Variants in UNC5C observed in about 807,000 individuals in gnomAD.
UNC5C encodes the protein unc-5 netrin receptor C, also known as netrin receptor UNC5C.
Under a neutral mutation model 99.8 loss-of-function variants are expected in UNC5C, and 47 were observed. That is an observed-to-expected ratio of 0.47 (90% CI 0.37 to 0.60). The LOEUF is 0.60. UNC5C is among the 20% of genes least tolerant of loss of function. The pLI, the probability that UNC5C is intolerant of heterozygous loss-of-function variation, is 0.00. For missense variants in UNC5C, 1,062 were observed against 1,165.9 expected (o/e 0.91, Z 1.30); for synonymous variants, 487 against 452.2 (o/e 1.08, Z -0.98).
intron 1 of UNC5C, among the ~76,000 whole-genome samples, chr4:95,378,382 G>A (rs187554194): frequency 7.6e-5 from 9 of 118,270 alleles, no homozygotes; most frequent in African/African-American, 3.2e-4. Context: ...TTGAAGTACT[G>A]AAGAAAGCCT....
At chr4:95,182,498 GAGAA>G (rs1736652923) in intron 14 of UNC5C, among the ~76,000 whole-genome samples, 1 of 152,116 alleles carries the variant, frequency 6.6e-6, no homozygotes, top group Non-Finnish European at 1.5e-5. Context: ...GAGAGTTGCT[GAGAA>G]AGAAGCAGAA....
At chr4:95,199,926 G>A (rs913952037) in intron 12 of UNC5C, among the ~76,000 whole-genome samples, 2 of 152,154 alleles carry the variant, frequency 1.3e-5, no homozygotes, top group African/African-American at 4.8e-5. Context: ...ATAACCTTAA[G>A]CTTTACATTA....
At chr4:95,408,617 G>T (rs185519330) in intron 1 of UNC5C, among the ~76,000 whole-genome samples, 3 of 152,064 alleles carry the variant, frequency 2.0e-5, no homozygotes, top group Non-Finnish European at 2.9e-5. Flanking sequence ...ACACTGAACC[G>T]TTTAATAAGA....
intron 1 of UNC5C, among the ~76,000 whole-genome samples, chr4:95,373,738 G>T (rs528907220): frequency 1.3e-5 from 2 of 152,258 alleles, no homozygotes; most frequent in South Asian, 4.2e-4. Flanking sequence ...TGTTGAATAT[G>T]GGATGGAAAG....
chr4:95,357,126 C>CTTTTTTTTTTTT (rs758274172), intron 1 of UNC5C, among the ~76,000 whole-genome samples: 1 of 110,850 alleles, frequency 9.0e-6, no homozygotes, highest in African/African-American at 4.7e-5. Context: ...TCTTGTTTTC[C>CTTTTTTTTTTTT]TTTTTTTTGT....
chr4:95,170,130 G>A (rs773021846), intron 15 of UNC5C, 24 bp downstream of exon 15: 4 of 1,605,828 alleles, frequency 2.5e-6, no homozygotes, highest in Admixed American at 3.4e-5. Flanking sequence ...AAAGAAGCTA[G>A]TCTTGGGGCC....
chr4:95,404,029 A>C (rs1156561922), intron 1 of UNC5C, among the ~76,000 whole-genome samples: 1 of 152,212 alleles, frequency 6.6e-6, no homozygotes, highest in Admixed American at 6.5e-5. Flanking sequence ...AAAAACCAAA[A>C]AGCATGTAAA....
rs570471309 is a variant in UNC5C, at chr4:95,239,237, G to A, written c.1108+3192C>T. ...CTAGAAGCTTAATTATACATCTTTC[G>A]TGTTTTGCTTCTAGCACTGTATCTT... is the stretch of plus-strand genomic sequence containing the variant. On this transcript the variant is annotated intron_variant, in intron 7 of 15. Transcript: ENST00000453304. Among the ~76,000 whole-genome samples, 62 of 152,236 alleles carry A rather than the reference G, an allele frequency of 4.1e-4. 1 individual carries two copies. The highest frequency in any genetic ancestry group is 3.9e-4 in the East Asian group (2 of 5,176).
chr4:95,361,116 G>A (rs1744376987), intron 1 of UNC5C, among the ~76,000 whole-genome samples: 1 of 152,146 alleles, frequency 6.6e-6, no homozygotes, highest in African/African-American at 2.4e-5. Context: ...AGTGGGGCAG[G>A]ATAAGACAGC....
chr4:95,242,684 A>C, intron 6 of UNC5C, 91 bp from the exon 7 acceptor site: 1 of 1,357,096 alleles, frequency 7.4e-7, no homozygotes, highest in Non-Finnish European at 9.8e-7. Context: ...ACAAAACAAA[A>C]CAAGAACAAG....
In UNC5C at chr4:95,261,038, G is replaced by A. The variant is rs1180688006; in HGVS notation, c.595-10371C>T. 6.6e-5 allele frequency among the ~76,000 whole-genome samples: 10 copies of A among 152,216 alleles called. No individual in the cohort carries two copies. In the East Asian group the frequency reaches 1.6e-3, roughly 24 times the overall value. On this transcript the variant is annotated intron_variant, in intron 4 of 15. Transcript: ENST00000453304. ...GGAGCAGAGATCCAAATTCAGGACC[G>A]CCTGAGCTCTGGACTCTTTTCTGTC...
intron 1 of UNC5C, among the ~76,000 whole-genome samples, chr4:95,354,495 T>TTTTTTTAA (rs1560800980): frequency 1.3e-5 from 1 of 78,148 alleles, no homozygotes; most frequent in Admixed American, 9.9e-5. Context: ...TTTTTTTTTT[T>TTTTTTTAA]AAGAGACAGG....
At chr4:95,240,177 G>A (rs935578006) in intron 7 of UNC5C, among the ~76,000 whole-genome samples, 2 of 152,094 alleles carry the variant, frequency 1.3e-5, no homozygotes, top group Non-Finnish European at 2.9e-5. Flanking sequence ...CAACTTTCTG[G>A]CTATCTTTTC....
intron 10 of UNC5C, among the ~76,000 whole-genome samples, chr4:95,211,582 T>C (rs936108930): frequency 6.6e-6 from 1 of 152,208 alleles, no homozygotes; most frequent in Non-Finnish European, 1.5e-5. Flanking sequence ...GAGCATATTT[T>C]TTTCCTCATG....
intron 1 of UNC5C, among the ~76,000 whole-genome samples, chr4:95,482,200 A>G (rs1258437862): frequency 3.3e-5 from 5 of 151,640 alleles, no homozygotes; most frequent in Non-Finnish European, 5.9e-5. Context: ...TGGGCGAAGG[A>G]CATGAACAGA....
chr4:95,532,079 C>T (rs1722660611), intron 1 of UNC5C, among the ~76,000 whole-genome samples: 1 of 152,162 alleles, frequency 6.6e-6, no homozygotes, highest in Non-Finnish European at 1.5e-5. Flanking sequence ...CAGTTAGAGC[C>T]CAACCGTGCT....
At chr4:95,260,316 C>G (rs1740173018) in intron 4 of UNC5C, among the ~76,000 whole-genome samples, 1 of 152,142 alleles carries the variant, frequency 6.6e-6, no homozygotes, top group African/African-American at 2.4e-5. Context: ...TATCATTAAC[C>G]AGTCTTTTAC....
At chr4:95,541,602 T>C (rs1560499897) in intron 1 of UNC5C, among the ~76,000 whole-genome samples, 1 of 152,188 alleles carries the variant, frequency 6.6e-6, no homozygotes, top group Admixed American at 6.5e-5. Flanking sequence ...TATCTACAAA[T>C]GCTGTGCTTT....
Position 95,301,729 on chromosome 4 carries a change from T to C in UNC5C, c.367A>G (p.Ser123Gly). 6.2e-7 allele frequency: 1 copy of C among 1,612,874 alleles called. No individual in the cohort carries two copies. Among genetic ancestry groups the C allele is most frequent in the Non-Finnish European group, 8.5e-7 (1 of 1,179,986 alleles). ...ETSGLIVREV[S>G]IEISRQQVEE... ...ACTTGCTGGCGCGAAATCTCAATGC[T>C]CACTTCCCGGACAATGAGACCTGAC... Residue 123 changes from serine to glycine, a missense_variant, in exon 3 of 16, where the codon AGC (serine) becomes GGC (glycine). Ser to Gly is a moderately conservative substitution (Grantham distance 56). This residue lies in a region of UNC5C where 249 missense variants were observed against 295.1 expected (regional missense o/e 0.84). Coordinates refer to ENST00000453304, the MANE Select transcript of UNC5C (RefSeq NM_003728.4).
Sources: gnomAD v4.1 joint callset for allele counts (sites outside exome capture counted in the v4.1 genomes callset) on GRCh38, gnomAD v4.1.1 for gene constraint, gnomAD v4.1.1 regional missense constraint, MANE v1.5 for transcripts, NCBI Gene and HGNC (gene_info 2026-07-23, HGNC 2026-07-21) for gene names.